The following PNPLA8 variants were observed in gnomAD, a reference collection of about 807,000 sequenced individuals.
PNPLA8 encodes the protein calcium-independent phospholipase A2-gamma.
A neutral mutation model predicts 76.9 loss-of-function variants in PNPLA8; 39 were observed. That is an observed-to-expected ratio of 0.51 (90% CI 0.39 to 0.66). PNPLA8 has a LOEUF of 0.66. PNPLA8 is among the 30% of genes least tolerant of loss of function. The pLI is 0.00. For synonymous variants in PNPLA8, 301 were observed against 307.9 expected (o/e 0.98, Z 0.24); for missense variants, 887 against 918.0 (o/e 0.97, Z 0.44).
At position 108,479,167 on chromosome 7, in the gene PNPLA8, C is replaced by G; in HGVS notation, c.2074+17G>C. Reference sequence around the variant, plus strand: ...TGCTAGAAGTTGAAGTATTTTAAAGCAGCAAACAAGACTAACCTTCTGTAT... The same window carrying G: ...TGCTAGAAGTTGAAGTATTTTAAAGGAGCAAACAAGACTAACCTTCTGTAT... On this transcript the variant is annotated intron_variant, in intron 10 of 10. Coordinates refer to ENST00000257694, the MANE Select transcript of PNPLA8 (RefSeq NM_001256007.3). 1 of 1,574,630 alleles carries G rather than the reference C, an allele frequency of 6.4e-7. No homozygotes were observed. Among genetic ancestry groups the G allele is most frequent in the Non-Finnish European group, 8.7e-7 (1 of 1,148,486 alleles).
intron 10 of PNPLA8, among the ~76,000 whole-genome samples, chr7:108,477,165 T>G (rs148652976): frequency 6.6e-6 from 1 of 152,334 alleles, no homozygotes; most frequent in East Asian, 1.9e-4. Flanking sequence ...AAATAGTAAC[T>G]ACGTCAGGTG....
rs193048383 is a variant in PNPLA8, at chr7:108,494,468, G to A, written c.1625+2116C>T. 2.6e-5 allele frequency among the ~76,000 whole-genome samples: 4 copies of A among 152,268 alleles called. No homozygotes were observed. The East Asian group carries it at 7.7e-4, about 29-fold the overall frequency. The stretch of plus-strand genomic sequence containing the variant: ...TATAAGTAAGAAGATGTGGTATTTG[G>A]TTTTATGTTCTTGTGTTAGGTTGCT... On this transcript the variant is annotated intron_variant, in intron 7 of 10. Coordinates refer to ENST00000257694, the MANE Select transcript of PNPLA8 (RefSeq NM_001256007.3).
chr7:108,490,558 C>T (rs989554351), intron 8 of PNPLA8, among the ~76,000 whole-genome samples: 1 of 152,078 alleles, frequency 6.6e-6, no homozygotes, highest in Non-Finnish European at 1.5e-5. Context: ...CTGAGGTGGG[C>T]GAATCACGAG....
intron 7 of PNPLA8, among the ~76,000 whole-genome samples, 183 bp from the exon 8 acceptor site, chr7:108,491,650 T>C (rs1343565803): frequency 6.6e-6 from 1 of 152,224 alleles, no homozygotes; most frequent in African/African-American, 2.4e-5. Context: ...AATATGCAGT[T>C]ATTTATCAAC....
intron 4 of PNPLA8, among the ~76,000 whole-genome samples, chr7:108,504,618 G>A (rs975278994): frequency 2.2e-4 from 34 of 152,102 alleles, no homozygotes; most frequent in African/African-American, 8.2e-4. Flanking sequence ...TGTAGATAAG[G>A]TGATTCTAAA....
chr7:108,515,060 C>T lies in PNPLA8; in HGVS notation c.432G>A (p.Trp144Ter). Residue 144 changes from tryptophan (W) to a stop codon, truncating the protein, a stop_gained, in exon 3 of 11, where the codon TGG (tryptophan) becomes TGA (stop). Coordinates refer to ENST00000257694, the MANE Select transcript of PNPLA8 (RefSeq NM_001256007.3). LOFTEE classifies it high-confidence loss of function. ...QILRKVSDSG[W>*]LKQKNIKQAI... ...CTTGTTTGATGTTTTTCTGTTTTAA[C>T]CAGCCACTATCCGATACTTTTCTTA... 2 of 1,608,396 alleles carry T rather than the reference C, an allele frequency of 1.2e-6. No homozygotes were observed. Among genetic ancestry groups the T allele is most frequent in the Non-Finnish European group, 1.7e-6 (2 of 1,179,768 alleles).
chr7:108,504,443 C>G (rs1486571827), intron 4 of PNPLA8, among the ~76,000 whole-genome samples: 1 of 152,052 alleles, frequency 6.6e-6, no homozygotes, highest in African/African-American at 2.4e-5. Flanking sequence ...AGACACCCAA[C>G]ACTGAAAATT....
chr7:108,496,282 G>A, intron 7 of PNPLA8: 1 of 223,624 alleles, frequency 4.5e-6, no homozygotes, highest in Non-Finnish European at 8.6e-6. Context: ...AGAATGACTT[G>A]AGACACATTT....
chr7:108,498,408 G>A (rs1450867385), intron 5 of PNPLA8, among the ~76,000 whole-genome samples: 5 of 151,582 alleles, frequency 3.3e-5, no homozygotes, highest in Non-Finnish European at 7.4e-5. Context: ...GGGACTACAG[G>A]AGCCTGCCAC....
chr7:108,526,158 C>T, upstream of PNPLA8: 1 of 866,676 alleles, frequency 1.2e-6, no homozygotes, highest in South Asian at 5.3e-5. Flanking sequence ...AGGTCGCCAC[C>T]CACTCAGCCC....
chr7:108,497,484 T>C lies in PNPLA8; in HGVS notation c.1452A>G (p.Thr484=). ...QLFDYICGVS[T]GAILAFMLGL... ...CCACTTCCATATAATAATAATTACC[T>C]GTGCTTACACCACAAATGTAATCAA... The change falls in exon 6 of 11, where the codon ACA becomes ACG. Residue 484 remains threonine (T), a splice_region_variant and synonymous_variant. Coordinates refer to ENST00000257694, the MANE Select transcript of PNPLA8 (RefSeq NM_001256007.3). 6.3e-7 allele frequency: 1 copy of C among 1,576,538 alleles called. No individual in the cohort carries two copies. Among genetic ancestry groups the C allele is most frequent in the Non-Finnish European group, 8.7e-7 (1 of 1,150,540 alleles).
intron 9 of PNPLA8, among the ~76,000 whole-genome samples, chr7:108,482,371 C>T (rs1327514706): frequency 6.6e-6 from 1 of 152,144 alleles, no homozygotes; most frequent in Non-Finnish European, 1.5e-5. Context: ...ACTCAGGAGG[C>T]TGAGGCAAGA....
intron 4 of PNPLA8, chr7:108,511,052 A>AG (rs1459417368): frequency 5.9e-6 from 4 of 680,672 alleles, no homozygotes; most frequent in Admixed American, 3.0e-5. Context: ...AAAAAAAAAA[A>AG]AAAAAAAGAA....
chr7:108,514,960 T>C lies in PNPLA8; in HGVS notation c.532A>G (p.Ile178Val). ...SPFPEEKSHI[I>V]DKEEDIGKRS... is the part of the protein sequence containing the mutation. ...TTACCTATATCTTCTTCTTTGTCTA[T>C]AATGTGACTTTTCTCTTCTGGAAAA... The change falls in exon 3 of 11, where the codon ATA becomes GTA. Residue 178 changes from isoleucine (I) to valine (V), a missense_variant. Transcript: ENST00000257694. 3.7e-6 allele frequency: 6 copies of C among 1,610,138 alleles called. No homozygotes were observed. Among genetic ancestry groups the C allele is most frequent in the Non-Finnish European group, 5.1e-6 (6 of 1,179,616 alleles).
intron 9 of PNPLA8, among the ~76,000 whole-genome samples, chr7:108,482,558 A>G (rs1021023985): frequency 1.1e-4 from 17 of 152,300 alleles, no homozygotes; most frequent in African/African-American, 3.6e-4. Context: ...TAATTTTTGA[A>G]AAGTCCTACT....
chr7:108,506,865 G>A (rs1338759303), intron 4 of PNPLA8, among the ~76,000 whole-genome samples: 1 of 152,094 alleles, frequency 6.6e-6, no homozygotes, highest in African/African-American at 2.4e-5. Context: ...TCTCATTCAG[G>A]GTGGTGGTTA....
At chr7:108,498,735 A>G (rs1421930646) in intron 5 of PNPLA8, among the ~76,000 whole-genome samples, 2 of 152,162 alleles carry the variant, frequency 1.3e-5, no homozygotes, top group Non-Finnish European at 2.9e-5. Flanking sequence ...AGGAATGCGA[A>G]ACGATGAAAA....
chr7:108,524,165 T>TA (rs1863927377), intron 1 of PNPLA8, among the ~76,000 whole-genome samples: 1 of 152,232 alleles, frequency 6.6e-6, no homozygotes, highest in African/African-American at 2.4e-5. Context: ...TACCAGATGA[T>TA]AGTTTACAGT....
chr7:108,474,954 C>T (rs1157503964), intron 10 of PNPLA8, among the ~76,000 whole-genome samples: 1 of 152,114 alleles, frequency 6.6e-6, no homozygotes, highest in Non-Finnish European at 1.5e-5. Flanking sequence ...GGGTGAGTGG[C>T]AGGGCCAGTA....
Sources: gnomAD v4.1 joint callset for allele counts (sites outside exome capture counted in the v4.1 genomes callset) on GRCh38, gnomAD v4.1.1 for gene constraint, MANE v1.5 for transcripts, NCBI Gene and HGNC (gene_info 2026-07-23, HGNC 2026-07-21) for gene names.